NIBAN2: variants seen among roughly 807,000 people sequenced by gnomAD.
NIBAN2 encodes protein Niban 2.
In NIBAN2, 36 loss-of-function variants were observed where a neutral mutation model predicts 81.8. That is an observed-to-expected ratio of 0.44 (90% CI 0.34 to 0.58). The LOEUF (loss-of-function observed/expected upper bound fraction) is 0.58. Among genes scored for constraint, NIBAN2 ranks in the 20% least tolerant of loss-of-function variants. The probability of loss-of-function intolerance (pLI) is 0.02; values close to 1 mark genes in which losing one functional copy is unlikely to be tolerated. For synonymous variants in NIBAN2, 445 were observed against 441.6 expected (o/e 1.01, Z -0.10); for missense variants, 897 against 1,014.1 (o/e 0.88, Z 1.57).
intron 1 of NIBAN2, among the ~76,000 whole-genome samples, chr9:127,577,123 C>T (rs1438572237): frequency 2.0e-5 from 3 of 151,806 alleles, no homozygotes; most frequent in Non-Finnish European, 4.4e-5. Context: ...GCCTGGCCAA[C>T]ATGGTGAAAG....
intron 1 of NIBAN2, among the ~76,000 whole-genome samples, chr9:127,564,922 G>A (rs1470414799): frequency 1.3e-5 from 2 of 152,064 alleles, no homozygotes; most frequent in East Asian, 3.8e-4. Flanking sequence ...TGTACAGAGA[G>A]AGGTAGGTTT....
At chr9:127,568,775 G>A (rs1399009587) in intron 1 of NIBAN2, 45 bp downstream of exon 1, 12 of 1,253,032 alleles carry the variant, frequency 9.6e-6, no homozygotes, top group Non-Finnish European at 1.2e-5. Flanking sequence ...TGGTCCGGGG[G>A]TTCCGGCAGG....
At chr9:127,516,790 C>T (rs1836836885) in intron 8 of NIBAN2, 67 bp downstream of exon 8, 1 of 1,473,620 alleles carries the variant, frequency 6.8e-7, no homozygotes, top group Non-Finnish European at 9.3e-7. Context: ...TTACATGAAT[C>T]ATGAAATAAA....
intron 1 of NIBAN2, chr9:127,561,190 C>T: frequency 6.1e-6 from 6 of 985,554 alleles, no homozygotes; most frequent in East Asian, 1.1e-4. Flanking sequence ...TCCAGGAACT[C>T]GCTGAATACC....
chr9:127,531,730 T>A lies in NIBAN2; in HGVS notation c.104A>T (p.Gln35Leu), dbSNP rs756095017. 20 of 1,614,178 alleles carry A rather than the reference T, an allele frequency of 1.2e-5. No individual in the cohort carries two copies. The highest frequency in any genetic ancestry group is 1.6e-5 in the Non-Finnish European group (19 of 1,180,034). ...GCTGTTGAAGAGAGCCACGCCATAC[T>A]GGTCTTCATAGAACTGGAGGAACTC... ...LTEFLQFYED[Q>L]YGVALFNSMR... The change falls in exon 2 of 14, where the codon CAG (glutamine) becomes CTG (leucine). Residue 35 changes from glutamine to leucine, a missense_variant. Coordinates refer to ENST00000373312, the MANE Select transcript of NIBAN2 (RefSeq NM_022833.4).
At chr9:127,522,815 T>TC (rs1836968354) in intron 5 of NIBAN2, among the ~76,000 whole-genome samples, 1 of 151,578 alleles carries the variant, frequency 6.6e-6, no homozygotes, top group Non-Finnish European at 1.5e-5. Flanking sequence ...AACCATAACC[T>TC]CCTCAAGGGA....
chr9:127,536,704 G>A lies in NIBAN2; in HGVS notation c.56-4926C>T, dbSNP rs1187039689. 6.6e-6 allele frequency among the ~76,000 whole-genome samples: 1 copy of A among 152,240 alleles called. No individual in the cohort carries two copies. The highest frequency in any genetic ancestry group is 1.5e-5 in the Non-Finnish European group (1 of 68,046). On this transcript the variant is annotated intron_variant, in intron 1 of 13. Transcript: ENST00000373312. This position sits in a 1 kb window ranked among gnomAD's most constrained non-coding sequence, Gnocchi z 4.0. ...GCTTACCACCCTGTTAGGGGAATGTGAGCCAGAGAGGGTGAGCAGCTCAGC... is the reference window on the plus strand; with the variant it reads ...GCTTACCACCCTGTTAGGGGAATGTAAGCCAGAGAGGGTGAGCAGCTCAGC...
rs1156299466 is a variant in NIBAN2 at position 127,506,700 on chromosome 9, T to C, written c.*145A>G. 14 of 584,650 alleles carry C rather than the reference T, an allele frequency of 2.4e-5. No individual in the cohort carries two copies. In the South Asian group the frequency reaches 3.6e-4, roughly 15 times the overall value. 36.2% of individuals were successfully genotyped at this position (584,650 alleles called of 1,614,324 possible). On this transcript the variant is annotated 3_prime_UTR_variant, in exon 14 of 14. Coordinates refer to ENST00000373312, the MANE Select transcript of NIBAN2 (RefSeq NM_022833.4). Reference sequence around the variant, plus strand: ...ACTGAACCCAATAAAGTGACTCAGGTGGGCCCGCTCCCTGGCGGTGCCACA... The same window carrying C: ...ACTGAACCCAATAAAGTGACTCAGGCGGGCCCGCTCCCTGGCGGTGCCACA...
At chr9:127,516,757 T>C in intron 8 of NIBAN2, 100 bp downstream of exon 8, 2 of 1,240,252 alleles carry the variant, frequency 1.6e-6, no homozygotes, top group Non-Finnish European at 2.3e-6. Flanking sequence ...AAATGATCAA[T>C]GAGCAAGTCA....
chr9:127,572,220 C>T (rs1015850710), upstream of NIBAN2, among the ~76,000 whole-genome samples: 8 of 152,090 alleles, frequency 5.3e-5, no homozygotes, highest in African/African-American at 1.9e-4. Flanking sequence ...CACCATGCTG[C>T]CCAGGCTGGT....
chr9:127,524,770 T>A (rs1237454473), intron 4 of NIBAN2: 3 of 318,294 alleles, frequency 9.4e-6, no homozygotes, highest in Non-Finnish European at 1.8e-5. Context: ...TTCTAGGGAA[T>A]TTCAGCCAAG....
chr9:127,563,338 C>A lies in NIBAN2; in HGVS notation c.55+5482G>T, dbSNP rs1360370507. Among the ~76,000 whole-genome samples, 1 of 152,262 alleles carries A rather than the reference C, an allele frequency of 6.6e-6. No homozygotes were observed. The highest frequency in any genetic ancestry group is 1.5e-5 in the Non-Finnish European group (1 of 68,048). On this transcript the variant is annotated intron_variant, in intron 1 of 13. Transcript: ENST00000373312. The surrounding 1 kb of genome is among the most constrained non-coding windows in gnomAD (Gnocchi z 4.1). ...TCCCCAGACACTTCGCCCCCAGGGG[C>A]TGACCCGGACCTTGGCTAAGGGCAG... is the stretch of plus-strand genomic sequence containing the variant.
chr9:127,516,761 C>T lies in NIBAN2; in HGVS notation c.973+96G>A, dbSNP rs1836836330. ...CTAATTCTTACAAATGATCAATGAG[C>T]AAGTCATTGCTGTGAAATTTACATG... On this transcript the variant is annotated intron_variant, in intron 8 of 13. Coordinates refer to ENST00000373312, the MANE Select transcript of NIBAN2 (RefSeq NM_022833.4). 3 of 1,264,822 alleles carry T rather than the reference C, an allele frequency of 2.4e-6. No homozygotes were observed. The Admixed American group carries it at 6.1e-5, about 26-fold the overall frequency. 78.3% of individuals were successfully genotyped at this position (1,264,822 alleles called of 1,614,324 possible).
chr9:127,547,075 C>T (rs1837484900), intron 1 of NIBAN2, among the ~76,000 whole-genome samples: 1 of 152,012 alleles, frequency 6.6e-6, no homozygotes, highest in South Asian at 2.1e-4. Flanking sequence ...GATTTATCAG[C>T]ACGTCCTAGG....
intron 2 of NIBAN2, among the ~76,000 whole-genome samples, chr9:127,527,536 C>T (rs1837098372): frequency 6.6e-6 from 1 of 152,352 alleles, no homozygotes; most frequent in South Asian, 2.1e-4. Context: ...CGTGGAGGGG[C>T]TCACCCAGCA....
chr9:127,520,878 T>C (rs1410969124), intron 5 of NIBAN2, among the ~76,000 whole-genome samples: 5 of 152,046 alleles, frequency 3.3e-5, no homozygotes, highest in African/African-American at 4.8e-5. Context: ...AGCAAGCCTC[T>C]GTCTCAAAAA....
intron 1 of NIBAN2, among the ~76,000 whole-genome samples, chr9:127,560,575 T>C (rs1170398412): frequency 6.6e-6 from 1 of 152,154 alleles, no homozygotes; most frequent in Non-Finnish European, 1.5e-5. Flanking sequence ...CAGTCTCCCT[T>C]ACACCTTCCC....
chr9:127,517,813 C>T lies in NIBAN2; in HGVS notation c.705+13G>A, dbSNP rs746847999. 3.1e-6 allele frequency: 5 copies of T among 1,604,992 alleles called. No homozygotes were observed. The highest frequency in any genetic ancestry group is 4.5e-5 in the East Asian group (2 of 44,720). On this transcript the variant is annotated intron_variant, in intron 6 of 13. Transcript: ENST00000373312. This position sits in a 1 kb window ranked among gnomAD's most constrained non-coding sequence, Gnocchi z 4.0. Reference sequence around the variant, plus strand: ...GACTTCTGAGGTTTCCTCACCAGCCCGTCTGGCCTCACCTGCACCTCGTTC... The same window carrying T: ...GACTTCTGAGGTTTCCTCACCAGCCTGTCTGGCCTCACCTGCACCTCGTTC...
At chr9:127,550,835 G>A (rs564609805) in intron 1 of NIBAN2, among the ~76,000 whole-genome samples, 3 of 152,268 alleles carry the variant, frequency 2.0e-5, no homozygotes, top group Non-Finnish European at 4.4e-5. Flanking sequence ...AAACTAAGGC[G>A]GTCACCTAAG....
Sources: gnomAD v4.1 joint callset for allele counts (sites outside exome capture counted in the v4.1 genomes callset) on GRCh38, gnomAD v4.1.1 for gene constraint, Gnocchi (gnomAD v3.1) non-coding constraint, MANE v1.5 for transcripts, NCBI Gene and HGNC (gene_info 2026-07-23, HGNC 2026-07-21) for gene names.